Variants in LIMS1 observed in about 807,000 individuals in gnomAD.
The protein encoded by LIMS1 is LIM and senescent cell antigen-like-containing domain protein 1.
Under a neutral mutation model 44.1 loss-of-function variants are expected in LIMS1, and 18 were observed. The observed-to-expected ratio is 0.41, with a 90% CI of 0.28 to 0.61. LIMS1 has a LOEUF of 0.61. Ranked by LOEUF, LIMS1 falls within the 20% of genes least tolerant of loss-of-function variation. The probability of loss-of-function intolerance (pLI) is 0.32; values close to 1 mark genes in which losing one functional copy is unlikely to be tolerated. For synonymous variants in LIMS1, 93 were observed against 149.1 expected (o/e 0.62, Z 2.74); for missense variants, 201 against 422.0 (o/e 0.48, Z 4.59).
chr2:108,535,567 A>G (rs1684105637), intron 1 of LIMS1, among the ~76,000 whole-genome samples: 1 of 152,266 alleles, frequency 6.6e-6, no homozygotes, highest in Non-Finnish European at 1.5e-5. Flanking sequence ...ATATTGGCTC[A>G]CTGAGTTTGG....
chr2:108,627,791 T>G (rs1047379782), intron 1 of LIMS1, among the ~76,000 whole-genome samples: 16 of 152,236 alleles, frequency 1.1e-4, no homozygotes, highest in African/African-American at 3.6e-4. Flanking sequence ...AAACAAACTT[T>G]GGACGTGAAT....
intron 2 of LIMS1, among the ~76,000 whole-genome samples, chr2:108,667,533 T>G (rs972999796): frequency 2.5e-4 from 7 of 28,000 alleles, no homozygotes; most frequent in Admixed American, 6.0e-4. Flanking sequence ...ATTTTCAACC[T>G]TTTTTAAAAA....
chr2:108,641,081 G>A (rs542257344), intron 1 of LIMS1, among the ~76,000 whole-genome samples: 10 of 152,108 alleles, frequency 6.6e-5, no homozygotes, highest in East Asian at 1.9e-4. Flanking sequence ...AATGTACCCC[G>A]GGCTCATCAT....
intron 1 of LIMS1, among the ~76,000 whole-genome samples, chr2:108,555,605 G>T (rs954990140): frequency 2.0e-5 from 3 of 152,220 alleles, no homozygotes; most frequent in Non-Finnish European, 4.4e-5. Context: ...ACATTCTCAG[G>T]TGCTCCTAGG....
intron 1 of LIMS1, among the ~76,000 whole-genome samples, chr2:108,635,907 G>T (rs1362161979): frequency 2.0e-5 from 3 of 152,150 alleles, no homozygotes; most frequent in Non-Finnish European, 2.9e-5. Context: ...GAGCCCAAAA[G>T]GTCTAAGTAC....
At chr2:108,675,698 G>A (rs1692496931) in intron 5 of LIMS1, among the ~76,000 whole-genome samples, 180 bp from the exon 6 acceptor site, 1 of 152,210 alleles carries the variant, frequency 6.6e-6, no homozygotes, top group African/African-American at 2.4e-5. Context: ...TTTGGTAGGA[G>A]TCTGAAACCT....
At chr2:108,603,495 CTTTTT>C (rs55909729) in intron 1 of LIMS1, among the ~76,000 whole-genome samples, 3 of 88,216 alleles carry the variant, frequency 3.4e-5, no homozygotes, top group African/African-American at 4.2e-5. Flanking sequence ...TTTTCATCGC[CTTTTT>C]TTTTTTTTTT....
chr2:108,675,402 AATCC>A (rs1692468379), intron 5 of LIMS1, among the ~76,000 whole-genome samples: 1 of 151,726 alleles, frequency 6.6e-6, no homozygotes, highest in African/African-American at 2.4e-5. Flanking sequence ...TAACAGCGTT[AATCC>A]ATCTGTGAGG....
At chr2:108,545,490 C>T (rs1229281366) in intron 1 of LIMS1, among the ~76,000 whole-genome samples, 2 of 152,182 alleles carry the variant, frequency 1.3e-5, no homozygotes, top group Non-Finnish European at 1.5e-5. Context: ...TGCCTCGCCT[C>T]GGCTTCCCAA....
chr2:108,657,284 G>A (rs1452559520), intron 1 of LIMS1, among the ~76,000 whole-genome samples: 2 of 150,956 alleles, frequency 1.3e-5, no homozygotes, highest in Non-Finnish European at 3.0e-5. Context: ...AATGATCCAG[G>A]ACATTCTAGA....
In LIMS1 at chr2:108,586,255, G is replaced by A. The variant is rs190062503; in HGVS notation, c.32+51661G>A. On this transcript the variant is annotated intron_variant, in intron 1 of 9. Coordinates refer to ENST00000544547, the Ensembl canonical transcript of LIMS1. ...AAATGGTGTCTGAAAAGAGAGAGCT[G>A]TGATGGTAGCTGGAGAGTGACTCAA... Among the ~76,000 whole-genome samples, 8 of 152,248 alleles carry A rather than the reference G, an allele frequency of 5.3e-5. No homozygotes were observed. The East Asian group carries it at 1.2e-3, about 22-fold the overall frequency.
exon 4 of LIMS1, chr2:108,672,372 C>T (rs1558840268): frequency 7.7e-7 from 1 of 1,292,458 alleles, no homozygotes; most frequent in Non-Finnish European, 1.1e-6. Context: ...TAACAGCTGG[C>T]ATCCGGAGTG....
At chr2:108,549,955 ATTAT>A (rs1224677740) in intron 1 of LIMS1, among the ~76,000 whole-genome samples, 20 of 152,228 alleles carry the variant, frequency 1.3e-4, no homozygotes, top group African/African-American at 4.3e-4. Context: ...TTTTGGTAGC[ATTAT>A]TTATACTACC....
chr2:108,588,790 A>G (rs1041898543), intron 1 of LIMS1, among the ~76,000 whole-genome samples: 1 of 152,220 alleles, frequency 6.6e-6, no homozygotes, highest in African/African-American at 2.4e-5. Flanking sequence ...TCCCTGCTGC[A>G]GAGGTTATGA....
At position 108,661,344 on chromosome 2, in the gene LIMS1, T is replaced by TA. The variant is rs535054078; in HGVS notation, c.192+1580_192+1581insA. Among the ~76,000 whole-genome samples, 32 of 151,966 alleles carry TA rather than the reference T, an allele frequency of 2.1e-4. No individual in the cohort carries two copies. The South Asian group carries it at 5.8e-3, about 28-fold the overall frequency. On this transcript the variant is annotated intron_variant, in intron 2 of 9. Transcript: ENST00000544547. ...TCTCTTTTCTTCTAGTTCTTTTTTT[T>TA]TTTTTAACTTTATTTCTTTAGGCCT... is the stretch of plus-strand genomic sequence containing the variant.
chr2:108,567,521 A>G (rs542864913), intron 1 of LIMS1, among the ~76,000 whole-genome samples: 1 of 152,306 alleles, frequency 6.6e-6, no homozygotes, highest in Admixed American at 6.5e-5. Context: ...ACGACAGTAA[A>G]CGATGTGGTA....
intron 1 of LIMS1, among the ~76,000 whole-genome samples, chr2:108,652,631 C>T (rs1405304606): frequency 6.6e-6 from 1 of 152,192 alleles, no homozygotes; most frequent in Non-Finnish European, 1.5e-5. Context: ...TTACAGGAAG[C>T]TGCCCATGTG....
Position 108,676,541 on chromosome 2 carries a change from G to C in LIMS1, c.682-65G>C, listed in dbSNP as rs768132676. 9 of 1,525,170 alleles carry C rather than the reference G, an allele frequency of 5.9e-6. No individual in the cohort carries two copies. In the East Asian group the frequency reaches 2.2e-4, roughly 38 times the overall value. The allele number at this position is 1,525,170 out of a possible 1,614,324, so 94.5% of individuals were successfully genotyped here. On this transcript the variant is annotated intron_variant, in intron 6 of 9. Coordinates refer to ENST00000544547, the Ensembl canonical transcript of LIMS1. Reference sequence around the variant, plus strand: ...TCTTCTCTGAAAATAGGTTAACTCTGGTATTTACTTTATTAGATATAAAAT... The same window carrying C: ...TCTTCTCTGAAAATAGGTTAACTCTCGTATTTACTTTATTAGATATAAAAT...
At chr2:108,687,218 T>C (rs1399572118) in exon 10 of LIMS1, 1 of 152,212 alleles carries the variant, frequency 6.6e-6, no homozygotes, top group Admixed American at 6.5e-5. Context: ...TCTTGGTGCT[T>C]AATAAATGTT....
Sources: allele counts gnomAD v4.1 joint callset (sites outside exome capture counted in the v4.1 genomes callset), GRCh38; gene constraint gnomAD v4.1.1; transcripts MANE v1.5; gene names NCBI Gene and HGNC (gene_info 2026-07-23, HGNC 2026-07-21).